The following TNIK variants were observed in gnomAD, a reference collection of about 807,000 sequenced individuals.
TNIK encodes the protein TRAF2 and NCK interacting kinase.
Under a neutral mutation model 191.3 loss-of-function variants are expected in TNIK, and 49 were observed. That is an observed-to-expected ratio of 0.26 (90% confidence interval 0.20 to 0.32). The LOEUF (loss-of-function observed/expected upper bound fraction) is 0.32. Ranked by LOEUF, TNIK falls within the 10% of genes least tolerant of loss-of-function variation. The pLI, the probability that TNIK is intolerant of heterozygous loss-of-function variation, is 1.00. For synonymous variants in TNIK, 594 were observed against 600.9 expected (o/e 0.99, Z 0.17); for missense variants, 1,155 against 1,702.3 (o/e 0.68, Z 5.66).
chr3:171,263,648 T>C lies in TNIK; in HGVS notation c.124-35427A>G, dbSNP rs920762554. Among the ~76,000 whole-genome samples, 5 of 151,968 alleles carry C rather than the reference T, an allele frequency of 3.3e-5. No homozygotes were observed. In the East Asian group the frequency reaches 7.8e-4, roughly 24 times the overall value. On this transcript the variant is annotated intron_variant, in intron 2 of 32. Coordinates refer to ENST00000436636, the MANE Select transcript of TNIK (RefSeq NM_015028.4). Reference sequence around the variant, plus strand: ...TTTTCCTTTAGGAAAAATTCTTTCCTAAAGGAGTGAATAGTAAGTTCAGTG... The same window carrying C: ...TTTTCCTTTAGGAAAAATTCTTTCCCAAAGGAGTGAATAGTAAGTTCAGTG...
chr3:171,121,559 G>C (rs367913369), intron 18 of TNIK, among the ~76,000 whole-genome samples: 1 of 152,238 alleles, frequency 6.6e-6, no homozygotes, highest in East Asian at 1.9e-4. Flanking sequence ...AGGTACAGCA[G>C]AACCATCTGC....
intron 1 of TNIK, among the ~76,000 whole-genome samples, chr3:171,414,415 T>C (rs563523582): frequency 1.3e-5 from 2 of 152,342 alleles, no homozygotes; most frequent in African/African-American, 4.8e-5. Flanking sequence ...AGCTAGATAA[T>C]AGACTGCATC....
intron 2 of TNIK, among the ~76,000 whole-genome samples, chr3:171,358,042 T>C (rs1156752641): frequency 1.3e-5 from 2 of 152,120 alleles, no homozygotes; most frequent in Non-Finnish European, 2.9e-5. Flanking sequence ...GACGGCTCCA[T>C]GAGGTAGATC....
At chr3:171,401,440 G>T (rs1049043929) in intron 1 of TNIK, among the ~76,000 whole-genome samples, 1 of 152,098 alleles carries the variant, frequency 6.6e-6, no homozygotes, top group African/African-American at 2.4e-5. Flanking sequence ...TGGTTAGAAA[G>T]GAGGAAAGGG....
intron 2 of TNIK, among the ~76,000 whole-genome samples, chr3:171,272,603 C>T (rs888384822): frequency 3.3e-5 from 5 of 152,188 alleles, no homozygotes; most frequent in African/African-American, 1.2e-4. Flanking sequence ...ATTCTTTCTT[C>T]TACTTGATCA....
chr3:171,120,414 G>A (rs1272390149), intron 18 of TNIK, among the ~76,000 whole-genome samples: 6 of 148,544 alleles, frequency 4.0e-5, no homozygotes, highest in South Asian at 2.1e-4. Flanking sequence ...TCCGCTTCCC[G>A]GATTCGCGCC....
rs913732699 is a variant in TNIK, at chr3:171,366,410, T to C, written c.123+3210A>G. ...CTTTGAAAAACTAAACATTATTAAA[T>C]GGCTTTTATATAAAATATTTATATT... On this transcript the variant is annotated intron_variant, in intron 2 of 32. Transcript: ENST00000436636. The surrounding 1 kb of genome is among the most constrained non-coding windows in gnomAD (Gnocchi z 4.1). 6.6e-6 allele frequency among the ~76,000 whole-genome samples: 1 copy of C among 152,160 alleles called. No homozygotes were observed. Among genetic ancestry groups the C allele is most frequent in the African/African-American group, 2.4e-5 (1 of 41,444 alleles).
Position 171,332,882 on chromosome 3 carries a change from C to T in TNIK, c.123+36738G>A, listed in dbSNP as rs78181464. Among the ~76,000 whole-genome samples the T allele has an allele frequency of 9.9e-3, 1,511 of 152,312 alleles. 17 individuals are homozygous for T. The highest frequency in any genetic ancestry group is 0.016 in the Non-Finnish European group (1,072 of 68,034). On this transcript the variant is annotated intron_variant, in intron 2 of 32. Transcript: ENST00000436636. Reference sequence around the variant, plus strand: ...ATCTATACTAAAACTGGGAAAACCTCAGCTGACCCTATAAGTTACTTGAAA... The same window carrying T: ...ATCTATACTAAAACTGGGAAAACCTTAGCTGACCCTATAAGTTACTTGAAA...
intron 14 of TNIK, 66 bp downstream of exon 14, chr3:171,139,404 A>G (rs1271381273): frequency 7.0e-7 from 1 of 1,427,846 alleles, no homozygotes; most frequent in Non-Finnish European, 9.9e-7. Flanking sequence ...ACACACACAC[A>G]CACACACACA....
At chr3:171,356,825 G>A (rs1714149854) in intron 2 of TNIK, among the ~76,000 whole-genome samples, 1 of 152,108 alleles carries the variant, frequency 6.6e-6, no homozygotes, top group Admixed American at 6.5e-5. Flanking sequence ...AACTTATGGG[G>A]TTACTGTGAA....
chr3:171,172,342 A>G (rs1285600025), intron 9 of TNIK, among the ~76,000 whole-genome samples: 1 of 152,232 alleles, frequency 6.6e-6, no homozygotes, highest in Non-Finnish European at 1.5e-5. Flanking sequence ...GGTAGAGAAT[A>G]GCTGGAAATA....
intron 2 of TNIK, among the ~76,000 whole-genome samples, chr3:171,318,733 T>A (rs761010114): frequency 2.6e-5 from 4 of 152,200 alleles, no homozygotes; most frequent in Non-Finnish European, 5.9e-5. Context: ...AACCTCCTTT[T>A]ATAAACTCTC....
chr3:171,392,590 G>A (rs1258865870), intron 1 of TNIK, among the ~76,000 whole-genome samples: 1 of 151,874 alleles, frequency 6.6e-6, no homozygotes, highest in Non-Finnish European at 1.5e-5. Context: ...GACCAGCCTG[G>A]CCAACATGGC....
At chr3:171,091,740 A>G (rs1722086112) in intron 23 of TNIK, among the ~76,000 whole-genome samples, 2 of 151,212 alleles carry the variant, frequency 1.3e-5, no homozygotes, top group African/African-American at 4.9e-5. Flanking sequence ...ATCTCCAAAA[A>G]TAATAATAAT....
chr3:171,299,434 A>C (rs11714004), intron 2 of TNIK, among the ~76,000 whole-genome samples: 68,696 of 151,730 alleles, frequency 0.45, 16,241 homozygotes, highest in Non-Finnish European at 0.51. Context: ...GCCTTGCCAG[A>C]CGGATCTATG....
chr3:171,117,378 T>C (rs1726896620), intron 18 of TNIK, among the ~76,000 whole-genome samples: 1 of 152,208 alleles, frequency 6.6e-6, no homozygotes, highest in African/African-American at 2.4e-5. Context: ...AAATCTTGGC[T>C]CTACCACTTA....
intron 1 of TNIK, among the ~76,000 whole-genome samples, chr3:171,449,650 C>A (rs1205512500): frequency 1.3e-5 from 2 of 152,136 alleles, no homozygotes; most frequent in Non-Finnish European, 2.9e-5. Context: ...CATTAGGAAT[C>A]ATAAGTTTAA....
chr3:171,218,033 A>G (rs1055271211), intron 3 of TNIK, among the ~76,000 whole-genome samples: 11 of 152,286 alleles, frequency 7.2e-5, no homozygotes, highest in Non-Finnish European at 1.5e-5. Flanking sequence ...GGCACAGAAT[A>G]CCGTGTTCTA....
intron 10 of TNIK, 40 bp from the exon 11 acceptor site, chr3:171,161,376 C>G: frequency 6.3e-7 from 1 of 1,594,874 alleles, no homozygotes; most frequent in African/African-American, 1.3e-5. Flanking sequence ...CAAAAAGATG[C>G]TATGGCTCAG....
Sources: gnomAD v4.1 joint callset for allele counts (sites outside exome capture counted in the v4.1 genomes callset) on GRCh38, gnomAD v4.1.1 for gene constraint, Gnocchi (gnomAD v3.1) non-coding constraint, MANE v1.5 for transcripts, NCBI Gene and HGNC (gene_info 2026-07-23, HGNC 2026-07-21) for gene names.